The following LRP1B variants were observed in gnomAD, a reference collection of about 807,000 sequenced individuals.
LRP1B encodes the protein LDL receptor related protein 1B.
A neutral mutation model predicts 556.6 loss-of-function variants in LRP1B; 217 were observed. The observed-to-expected ratio is 0.39, with a 90% CI of 0.35 to 0.44. The LOEUF (loss-of-function observed/expected upper bound fraction) is 0.44. Among genes scored for constraint, LRP1B ranks in the 20% least tolerant of loss-of-function variants. The pLI, the probability that LRP1B is intolerant of heterozygous loss-of-function variation, is 1.00. For synonymous variants in LRP1B, 2,047 were observed against 1,865.8 expected, an observed-to-expected ratio of 1.10 and a Z score of -2.50; for missense variants, 5,053 against 5,620.8, an observed-to-expected ratio of 0.90 and a Z score of 3.23.
intron 7 of LRP1B, among the ~76,000 whole-genome samples, chr2:141,129,107 A>C (rs2105020918): frequency 6.6e-6 from 1 of 152,326 alleles, no homozygotes; most frequent in South Asian, 2.1e-4. Context: ...AAATGAAATA[A>C]GGCAACTTTA....
At chr2:141,417,758 ATTTTTTTT>A (rs56660575) in intron 3 of LRP1B, among the ~76,000 whole-genome samples, 1 of 136,368 alleles carries the variant, frequency 7.3e-6, no homozygotes, top group African/African-American at 2.6e-5. Flanking sequence ...TGGTAGTTCT[ATTTTTTTT>A]TTTTTTTTTT....
At chr2:141,024,100 G>A (rs1698147089) in intron 11 of LRP1B, among the ~76,000 whole-genome samples, 1 of 151,846 alleles carries the variant, frequency 6.6e-6, no homozygotes, top group Admixed American at 6.6e-5. Flanking sequence ...TATGGTCTGA[G>A]GCCATAAATA....
chr2:140,688,669 C>T (rs1686133426), intron 41 of LRP1B, among the ~76,000 whole-genome samples: 1 of 152,164 alleles, frequency 6.6e-6, no homozygotes, highest in Non-Finnish European at 1.5e-5. Flanking sequence ...TGAACTTGGT[C>T]ATGTGACTTG....
intron 60 of LRP1B, among the ~76,000 whole-genome samples, chr2:140,472,749 G>T (rs923177417): frequency 6.6e-6 from 1 of 151,998 alleles, no homozygotes; most frequent in East Asian, 1.9e-4. Context: ...ATATCTTTGG[G>T]GAAAGAATAC....
At chr2:140,850,069 C>T (rs538909790) in intron 29 of LRP1B, 33 bp downstream of exon 29, 1 of 1,341,688 alleles carries the variant, frequency 7.5e-7, no homozygotes, top group African/African-American at 1.5e-5. Flanking sequence ...ATAACAAACA[C>T]TTTTAAAGTT....
chr2:140,232,411 AG>A lies in LRP1B; in HGVS notation c.*774del. The A allele has an allele frequency of 6.6e-6, 1 of 151,512 alleles. No homozygotes were observed. Among genetic ancestry groups the A allele is most frequent in the African/African-American group, 2.4e-5 (1 of 41,290 alleles). 9.4% of individuals were successfully genotyped at this position (151,512 alleles called of 1,614,324 possible). The stretch of plus-strand genomic sequence containing the variant: ...AGGCTGGCTATTTATCTCGAGACTG[AG>A]GGAGAATAAAAGGTCTTATTCCATA... On this transcript the variant is annotated 3_prime_UTR_variant, in exon 91 of 91. Coordinates refer to ENST00000389484, the MANE Select transcript of LRP1B (RefSeq NM_018557.3).
intron 34 of LRP1B, 52 bp from the exon 35 acceptor site, chr2:140,769,396 T>A (rs2104935364): frequency 6.8e-7 from 1 of 1,472,930 alleles, no homozygotes; most frequent in Non-Finnish European, 9.2e-7. Context: ...GAATGAATAT[T>A]TAAAATACAA....
chr2:140,270,370 AC>A, intron 85 of LRP1B, 24 bp from the exon 86 acceptor site: 1 of 1,445,070 alleles, frequency 6.9e-7, no homozygotes. Flanking sequence ...GAAAAAAAGA[AC>A]AATTTCATTG....
At chr2:140,510,533 C>T (rs1454827576) in intron 51 of LRP1B, among the ~76,000 whole-genome samples, 4 of 152,114 alleles carry the variant, frequency 2.6e-5, no homozygotes, top group East Asian at 1.9e-4. Flanking sequence ...AACTGAGGCT[C>T]GGGGAAGTTG....
chr2:140,566,747 T>C (rs1298466321), intron 43 of LRP1B, among the ~76,000 whole-genome samples: 1 of 152,140 alleles, frequency 6.6e-6, no homozygotes, highest in African/African-American at 2.4e-5. Flanking sequence ...AACATACCTG[T>C]GCCTGAGCTG....
Position 141,601,621 on chromosome 2 carries a change from TCC to T in LRP1B, c.206-121090_206-121089del, listed in dbSNP as rs1173289540. Among the ~76,000 whole-genome samples the T allele has an allele frequency of 2.2e-4, 33 of 150,842 alleles. 1 individual carries two copies. In the East Asian group the frequency reaches 4.3e-3, roughly 20 times the overall value. On this transcript the variant is annotated intron_variant, in intron 2 of 90. Coordinates refer to ENST00000389484, the MANE Select transcript of LRP1B (RefSeq NM_018557.3). ...TCCTTTCCTTCCTTCCTTCCTTCCTTCCTTCCTTCCTTCCTTCCTTCCTTTTT... is the reference window on the plus strand; with the variant it reads ...TCCTTTCCTTCCTTCCTTCCTTCCTTTTCCTTCCTTCCTTCCTTCCTTTTT...
intron 3 of LRP1B, among the ~76,000 whole-genome samples, chr2:141,415,765 A>T (rs1338093009): frequency 6.6e-6 from 1 of 152,112 alleles, no homozygotes; most frequent in Admixed American, 6.5e-5. Flanking sequence ...GTAAATAATT[A>T]TCTCCCCTCA....
intron 66 of LRP1B, among the ~76,000 whole-genome samples, chr2:140,399,832 G>T (rs1247903308): frequency 6.6e-6 from 1 of 152,180 alleles, no homozygotes; most frequent in Non-Finnish European, 1.5e-5. Flanking sequence ...CCTAAACTAT[G>T]ATCTAGTTAT....
At chr2:141,454,558 C>T (rs969853565) in intron 3 of LRP1B, among the ~76,000 whole-genome samples, 3 of 85,236 alleles carry the variant, frequency 3.5e-5, no homozygotes, top group Admixed American at 1.0e-4. Flanking sequence ...TTCTTTTAAC[C>T]GAACAAATGA....
At chr2:141,136,732 C>T (rs142602194) in intron 7 of LRP1B, among the ~76,000 whole-genome samples, 237 of 151,454 alleles carry the variant, frequency 1.6e-3, no homozygotes, top group African/African-American at 5.4e-3. Flanking sequence ...ACATAAATTG[C>T]TATTAATGCC....
At chr2:141,733,071 G>A (rs955703767) in intron 2 of LRP1B, among the ~76,000 whole-genome samples, 1 of 152,088 alleles carries the variant, frequency 6.6e-6, no homozygotes, top group East Asian at 1.9e-4. Flanking sequence ...AGGGCTTTAA[G>A]TATTCTGATA....
intron 8 of LRP1B, among the ~76,000 whole-genome samples, chr2:141,060,562 G>T (rs555112341): frequency 6.6e-6 from 1 of 151,850 alleles, no homozygotes; most frequent in South Asian, 2.1e-4. Flanking sequence ...AAAGTTTGGG[G>T]CCATCAACCA....
At chr2:141,054,188 T>C (rs1236000011) in intron 10 of LRP1B, among the ~76,000 whole-genome samples, 1 of 151,992 alleles carries the variant, frequency 6.6e-6, no homozygotes, top group Non-Finnish European at 1.5e-5. Context: ...TTCACAGTCC[T>C]TAGTAAGCAC....
At chr2:142,013,351 G>C (rs1703014316) in intron 1 of LRP1B, among the ~76,000 whole-genome samples, 2 of 152,154 alleles carry the variant, frequency 1.3e-5, no homozygotes, top group Non-Finnish European at 1.5e-5. Context: ...ATCGGAAGGT[G>C]ATTATGGAGG....
Sources: allele counts gnomAD v4.1 joint callset (sites outside exome capture counted in the v4.1 genomes callset), GRCh38; gene constraint gnomAD v4.1.1; transcripts MANE v1.5; gene names NCBI Gene and HGNC (gene_info 2026-07-23, HGNC 2026-07-21).